The following EYS variants were observed in gnomAD, a reference collection of about 807,000 sequenced individuals.
The protein encoded by EYS is EGF-like photoreceptor maintenance factor.
EYS carries 250 observed loss-of-function variants against 282.1 expected under a neutral mutation model. The observed-to-expected ratio is 0.89, with a 90% confidence interval of 0.80 to 0.98. The LOEUF (loss-of-function observed/expected upper bound fraction) is 0.98. Ranked by LOEUF, EYS falls within the 50% of genes least tolerant of loss-of-function variation. The pLI is 0.00. For synonymous variants in EYS, 1,355 were observed against 1,282.9 expected, an observed-to-expected ratio of 1.06 and a Z score of -1.20; for missense variants, 4,016 against 3,709.0, an observed-to-expected ratio of 1.08 and a Z score of -2.15.
chr6:63,805,772 T>C (rs757375541), intron 37 of EYS, among the ~76,000 whole-genome samples: 1 of 152,192 alleles, frequency 6.6e-6, no homozygotes, highest in African/African-American at 2.4e-5. Context: ...GATGGTTTTA[T>C]AAGGAGAAAT....
intron 11 of EYS, among the ~76,000 whole-genome samples, chr6:65,319,619 T>C (rs890102760): frequency 6.6e-6 from 1 of 152,178 alleles, no homozygotes; most frequent in African/African-American, 2.4e-5. Flanking sequence ...ATTTCTTCTG[T>C]ATAATCATGG....
At chr6:65,213,437 G>A (rs1766224862) in intron 12 of EYS, among the ~76,000 whole-genome samples, 1 of 152,166 alleles carries the variant, frequency 6.6e-6, no homozygotes, top group Admixed American at 6.5e-5. Context: ...CAAATGGAAT[G>A]TTTGTGGAAA....
Position 64,593,318 on chromosome 6 carries a change from GACAATT to G in EYS, c.3685-15_3685-10del, listed in dbSNP as rs1562081588. On this transcript the variant is annotated splice_polypyrimidine_tract_variant and intron_variant, in intron 24 of 42. Coordinates refer to ENST00000503581, the MANE Select transcript of EYS (RefSeq NM_001142800.2). ...AGCCCAATGGAGCAGGTCTGCAAAT[GACAATT>G]ACAGTAATTAAATTAAGCTCAGTTT... The G allele has an allele frequency of 1.3e-6, 2 of 1,534,854 alleles. No homozygotes were observed. The highest frequency in any genetic ancestry group is 2.5e-5 in the South Asian group (2 of 80,654).
chr6:64,390,216 C>T (rs1267927449), intron 28 of EYS, among the ~76,000 whole-genome samples: 3 of 152,102 alleles, frequency 2.0e-5, no homozygotes, highest in African/African-American at 7.2e-5. Context: ...CGCCATTGCC[C>T]AGGCTTGATT....
chr6:63,990,472 A>T (rs1767555288), intron 34 of EYS, among the ~76,000 whole-genome samples: 1 of 151,724 alleles, frequency 6.6e-6, no homozygotes, highest in African/African-American at 2.4e-5. Flanking sequence ...AAGAAATAGA[A>T]AACTAAAACA....
chr6:64,410,269 A>C (rs897460932), intron 28 of EYS, among the ~76,000 whole-genome samples: 3 of 152,192 alleles, frequency 2.0e-5, no homozygotes, highest in African/African-American at 7.2e-5. Flanking sequence ...CAAGTTAAAA[A>C]TAAAATCTGA....
intron 8 of EYS, among the ~76,000 whole-genome samples, chr6:65,367,857 A>T (rs569638935): frequency 4.6e-4 from 70 of 151,882 alleles, no homozygotes; most frequent in Middle Eastern, 3.4e-3. Context: ...TAGTCAATTT[A>T]CATATCATGC....
At chr6:64,674,757 T>C (rs1423817586) in intron 22 of EYS, among the ~76,000 whole-genome samples, 1 of 137,380 alleles carries the variant, frequency 7.3e-6, no homozygotes, top group African/African-American at 2.7e-5. Context: ...CACACACGCA[T>C]ATATACATAC....
chr6:65,100,375 A>G (rs1276161810), intron 12 of EYS, among the ~76,000 whole-genome samples: 3 of 150,734 alleles, frequency 2.0e-5, no homozygotes, highest in Admixed American at 1.3e-4. Flanking sequence ...AATGAAGAAC[A>G]AAAAAAGAGT....
intron 29 of EYS, among the ~76,000 whole-genome samples, chr6:64,321,367 A>G (rs1770214476): frequency 6.6e-6 from 1 of 151,814 alleles, no homozygotes; most frequent in South Asian, 2.1e-4. Flanking sequence ...AATATAATCA[A>G]ATTTCATTAG....
intron 4 of EYS, among the ~76,000 whole-genome samples, chr6:65,492,051 T>G (rs1020417895): frequency 1.3e-5 from 2 of 152,184 alleles, no homozygotes; most frequent in African/African-American, 4.8e-5. Context: ...AAAATAAGTT[T>G]CTGTTTAAGC....
At chr6:64,853,462 A>C (rs1765950817) in intron 19 of EYS, among the ~76,000 whole-genome samples, 1 of 152,134 alleles carries the variant, frequency 6.6e-6, no homozygotes, top group Non-Finnish European at 1.5e-5. Context: ...CTTCTGTTAT[A>C]CTTTTTTTGT....
intron 35 of EYS, among the ~76,000 whole-genome samples, chr6:63,955,219 C>T (rs1300774247): frequency 6.6e-6 from 1 of 152,112 alleles, no homozygotes; most frequent in African/African-American, 2.4e-5. Context: ...ACAGACCAGC[C>T]TTCATCCCTA....
At chr6:65,213,072 G>A (rs1017437593) in intron 12 of EYS, among the ~76,000 whole-genome samples, 1 of 151,770 alleles carries the variant, frequency 6.6e-6, no homozygotes, top group Non-Finnish European at 1.5e-5. Context: ...TTATAGTGAG[G>A]CATGTTATTT....
intron 30 of EYS, 38 bp downstream of exon 30, chr6:64,306,932 T>G: frequency 1.1e-6 from 1 of 945,706 alleles, no homozygotes; most frequent in Non-Finnish European, 1.7e-6. Context: ...TGTGGTTATT[T>G]GAACAAGTTA....
chr6:63,870,801 C>G (rs1772781869), intron 35 of EYS, among the ~76,000 whole-genome samples: 1 of 152,148 alleles, frequency 6.6e-6, no homozygotes, highest in Admixed American at 6.5e-5. Context: ...TAATGCCTAC[C>G]TCTTGAACCC....
chr6:64,259,802 CTT>C (rs35052885), intron 30 of EYS, among the ~76,000 whole-genome samples: 104,065 of 151,460 alleles, frequency 0.69, 35,759 homozygotes, highest in South Asian at 0.71. Context: ...ACAGTCCCCT[CTT>C]TTGCAGATAT....
chr6:64,671,167 C>G (rs1474884960), intron 22 of EYS, among the ~76,000 whole-genome samples: 1 of 152,132 alleles, frequency 6.6e-6, no homozygotes, highest in South Asian at 2.1e-4. Flanking sequence ...GATAAAGCGT[C>G]AGACCATCTG....
intron 31 of EYS, among the ~76,000 whole-genome samples, chr6:64,151,972 C>T (rs534105637): frequency 6.6e-6 from 1 of 152,132 alleles, no homozygotes; most frequent in Admixed American, 6.5e-5. Flanking sequence ...CTGCTTTTTT[C>T]TTTGAGCACT....
Sources: allele counts gnomAD v4.1 joint callset (sites outside exome capture counted in the v4.1 genomes callset), GRCh38; gene constraint gnomAD v4.1.1; transcripts MANE v1.5; gene names NCBI Gene and HGNC (gene_info 2026-07-23, HGNC 2026-07-21).